The following CAMK4 variants were observed in gnomAD, a reference collection of about 807,000 sequenced individuals.
CAMK4 encodes calcium/calmodulin dependent protein kinase IV.
CAMK4 carries 22 observed loss-of-function variants against 44.9 expected under a neutral mutation model. The ratio of observed to expected loss-of-function variants is 0.49; its 90% confidence interval spans 0.35 to 0.70. The LOEUF (loss-of-function observed/expected upper bound fraction) is 0.70. CAMK4 is among the 30% of genes least tolerant of loss of function. CAMK4 has a pLI of 0.01. For synonymous variants in CAMK4, 218 were observed against 215.4 expected, an observed-to-expected ratio of 1.01 and a Z score of -0.11; for missense variants, 498 against 586.8, an observed-to-expected ratio of 0.85 and a Z score of 1.56.
At chr5:111,368,729 G>T (rs888439817) in intron 2 of CAMK4, among the ~76,000 whole-genome samples, 1 of 151,986 alleles carries the variant, frequency 6.6e-6, no homozygotes, top group Non-Finnish European at 1.5e-5. Context: ...CGTAAATCAG[G>T]TTTTGTTGCT....
chr5:111,397,669 G>GTGTGTGTGTGTGTGTGTGTT (rs1207772024), intron 5 of CAMK4, among the ~76,000 whole-genome samples: 1 of 129,682 alleles, frequency 7.7e-6, no homozygotes, highest in Non-Finnish European at 1.6e-5. Flanking sequence ...GTGTGTGTGT[G>GTGTGTGTGTGTGTGTGTGTT]TGTGTGTGTG....
At chr5:111,403,324 G>C (rs909666570) in intron 5 of CAMK4, among the ~76,000 whole-genome samples, 1 of 152,210 alleles carries the variant, frequency 6.6e-6, no homozygotes, top group Non-Finnish European at 1.5e-5. Context: ...GAGAGTTCAA[G>C]TACGTAATGA....
chr5:111,347,662 C>G (rs954649793), intron 2 of CAMK4, among the ~76,000 whole-genome samples: 1 of 151,974 alleles, frequency 6.6e-6, no homozygotes, highest in African/African-American at 2.4e-5. Flanking sequence ...CCTCTGTGCA[C>G]ATCCCTGTCC....
At chr5:111,359,036 A>G (rs1322087540) in intron 2 of CAMK4, among the ~76,000 whole-genome samples, 1 of 152,158 alleles carries the variant, frequency 6.6e-6, no homozygotes, top group Non-Finnish European at 1.5e-5. Flanking sequence ...TGCAGTGAAC[A>G]TATGTGTGCA....
chr5:111,385,694 C>G (rs920847740), intron 4 of CAMK4, among the ~76,000 whole-genome samples: 2 of 152,114 alleles, frequency 1.3e-5, no homozygotes, highest in African/African-American at 4.8e-5. Context: ...CTGCCTTAGC[C>G]TCCCCAGTAA....
At chr5:111,355,831 CTCA>C (rs1408715295) in intron 2 of CAMK4, among the ~76,000 whole-genome samples, 1 of 147,198 alleles carries the variant, frequency 6.8e-6, no homozygotes, top group Non-Finnish European at 1.5e-5. Context: ...AGGACATGAA[CTCA>C]TCATTTTTTA....
intron 10 of CAMK4, among the ~76,000 whole-genome samples, 190 bp downstream of exon 10, chr5:111,483,127 T>A (rs1755489746): frequency 6.6e-6 from 1 of 152,176 alleles, no homozygotes; most frequent in Non-Finnish European, 1.5e-5. Flanking sequence ...TATACTCTCA[T>A]AAGGAATATA....
chr5:111,380,036 G>T (rs964623275), intron 4 of CAMK4, among the ~76,000 whole-genome samples: 2 of 152,070 alleles, frequency 1.3e-5, no homozygotes, highest in Non-Finnish European at 2.9e-5. Flanking sequence ...TGAAGTTTCT[G>T]TTTAACCGTT....
chr5:111,353,804 C>A (rs902303160), intron 2 of CAMK4, among the ~76,000 whole-genome samples: 28 of 152,044 alleles, frequency 1.8e-4, no homozygotes, highest in African/African-American at 6.5e-4. Context: ...GGTGAAAGAT[C>A]TGTACTCTGA....
intron 5 of CAMK4, among the ~76,000 whole-genome samples, chr5:111,422,154 TACAC>T (rs1237048204): frequency 1.3e-5 from 2 of 152,230 alleles, no homozygotes; most frequent in Non-Finnish European, 2.9e-5. Context: ...TAGCAGTCTA[TACAC>T]ATTCCTCTAT....
intron 7 of CAMK4, among the ~76,000 whole-genome samples, 187 bp from the exon 8 acceptor site, chr5:111,473,124 A>T (rs1755120006): frequency 6.6e-6 from 1 of 152,164 alleles, no homozygotes; most frequent in South Asian, 2.1e-4. Context: ...AAACAGATAG[A>T]CTATAATCTC....
At chr5:111,317,818 G>A (rs996018539) in intron 1 of CAMK4, among the ~76,000 whole-genome samples, 1 of 140,676 alleles carries the variant, frequency 7.1e-6, no homozygotes, top group Admixed American at 7.7e-5. Flanking sequence ...TTTGAACAAC[G>A]GGCCCTGTAT....
chr5:111,444,906 T>C (rs1753972757), intron 5 of CAMK4, among the ~76,000 whole-genome samples: 1 of 152,134 alleles, frequency 6.6e-6, no homozygotes, highest in Admixed American at 6.5e-5. Context: ...TAAACCAAAC[T>C]TAAGACACAA....
chr5:111,378,537 A>C (rs75682402), intron 4 of CAMK4, among the ~76,000 whole-genome samples: 1 of 152,146 alleles, frequency 6.6e-6, no homozygotes, highest in East Asian at 1.9e-4. Flanking sequence ...TTGCAACTAC[A>C]TATGTATGTG....
intron 7 of CAMK4, among the ~76,000 whole-genome samples, chr5:111,456,266 C>A (rs1354022618): frequency 1.3e-5 from 2 of 152,012 alleles, no homozygotes; most frequent in Non-Finnish European, 2.9e-5. Flanking sequence ...CTTTGGGAGG[C>A]CGAGGCGGGT....
chr5:111,462,748 G>T (rs1754686833), intron 7 of CAMK4, among the ~76,000 whole-genome samples: 1 of 152,124 alleles, frequency 6.6e-6, no homozygotes, highest in Admixed American at 6.5e-5. Flanking sequence ...TAGCACCAGT[G>T]GTCCCTGTAA....
At chr5:111,422,892 G>A (rs1209534720) in intron 5 of CAMK4, among the ~76,000 whole-genome samples, 1 of 152,086 alleles carries the variant, frequency 6.6e-6, no homozygotes, top group South Asian at 2.1e-4. Flanking sequence ...ACACAGGCCT[G>A]TCTCCTGTGA....
intron 7 of CAMK4, among the ~76,000 whole-genome samples, chr5:111,450,946 C>A (rs58781163): frequency 0.023 from 3,436 of 152,144 alleles, 118 homozygotes; most frequent in African/African-American, 0.079. Flanking sequence ...TTTGAGGTCA[C>A]CCCTGCCCCA....
chr5:111,363,297 A>G (rs1419753119), intron 2 of CAMK4, among the ~76,000 whole-genome samples: 3 of 152,106 alleles, frequency 2.0e-5, no homozygotes, highest in South Asian at 2.1e-4. Context: ...TGACCAACCA[A>G]TTCTAATCTC....
Sources: allele counts gnomAD v4.1 joint callset (sites outside exome capture counted in the v4.1 genomes callset), GRCh38; gene constraint gnomAD v4.1.1; transcripts MANE v1.5; gene names NCBI Gene and HGNC (gene_info 2026-07-23, HGNC 2026-07-21).